PRKCH: variants seen among roughly 807,000 people sequenced by gnomAD.
The protein encoded by PRKCH is protein kinase C eta type.
Under a neutral mutation model 82.5 loss-of-function variants are expected in PRKCH, and 28 were observed. The observed-to-expected ratio is 0.34, with a 90% confidence interval of 0.25 to 0.47. The LOEUF is 0.47. Ranked by LOEUF, PRKCH falls within the 20% of genes least tolerant of loss-of-function variation. The probability of loss-of-function intolerance (pLI) is 1.00; values close to 1 mark genes in which losing one functional copy is unlikely to be tolerated. For synonymous variants in PRKCH, 322 were observed against 327.4 expected, an observed-to-expected ratio of 0.98 and a Z score of 0.18; for missense variants, 705 against 881.8, an observed-to-expected ratio of 0.80 and a Z score of 2.54.
rs115378632 is a variant in PRKCH, at chr14:61,229,876, A to C, written c.-19+42208A>C. On this transcript the variant is annotated intron_variant, in intron 1 of 3. Transcript: ENST00000555185. ...GTGCACAGAAGCCAGTCAGAATGCA[A>C]TGTCGACGGCATGGGCTCCATCAAC... Among the ~76,000 whole-genome samples the C allele has an allele frequency of 3.5e-3, 540 of 152,314 alleles. 7 individuals are homozygous for C. Among genetic ancestry groups the C allele is most frequent in the African/African-American group, 0.012 (518 of 41,578 alleles).
chr14:61,280,838 A>G lies in PRKCH; in HGVS notation c.-19+93170A>G. 6.4e-7 allele frequency: 1 copy of G among 1,566,186 alleles called. No homozygotes were observed. The highest frequency in any genetic ancestry group is 8.6e-7 in the Non-Finnish European group (1 of 1,164,350). ...TAGTAGAGGTACACTGGGCCCTGGAAGAGCTCGGGCAGCGAGAAGTACCAG... is the reference window on the plus strand; with the variant it reads ...TAGTAGAGGTACACTGGGCCCTGGAGGAGCTCGGGCAGCGAGAAGTACCAG... On this transcript the variant is annotated intron_variant, in intron 1 of 3. Transcript: ENST00000555185. The surrounding 1 kb of genome is among the most constrained non-coding windows in gnomAD (Gnocchi z 5.0).
At chr14:61,468,941 A>G (rs940712498) in intron 9 of PRKCH, among the ~76,000 whole-genome samples, 13 of 152,200 alleles carry the variant, frequency 8.5e-5, no homozygotes, top group Admixed American at 3.9e-4. Context: ...GCCAAGTTAT[A>G]GATACTCTGG....
At chr14:61,195,712 T>G (rs1026714537) in intron 1 of PRKCH, among the ~76,000 whole-genome samples, 2 of 151,976 alleles carry the variant, frequency 1.3e-5, no homozygotes, top group East Asian at 1.9e-4. Context: ...CAGTTAAGAG[T>G]TTGGTGAGGG....
chr14:61,498,202 C>T (rs1038149505), intron 10 of PRKCH, among the ~76,000 whole-genome samples: 5 of 152,018 alleles, frequency 3.3e-5, no homozygotes, highest in Non-Finnish European at 4.4e-5. Context: ...TTAGTAGAGA[C>T]GGGGTTTCAC....
chr14:61,259,937 G>A (rs201524321), intron 1 of PRKCH, among the ~76,000 whole-genome samples: 6 of 152,254 alleles, frequency 3.9e-5, no homozygotes, highest in South Asian at 4.1e-4. Flanking sequence ...TAAATTTGGC[G>A]TATAAGTGAC....
intron 12 of PRKCH, among the ~76,000 whole-genome samples, chr14:61,535,199 A>G (rs2043091096): frequency 1.3e-5 from 2 of 152,332 alleles, no homozygotes; most frequent in African/African-American, 4.8e-5. Flanking sequence ...GGGTTCTGCA[A>G]TACTCAGGTT....
chr14:61,379,014 A>AC (rs2046462255), intron 1 of PRKCH, among the ~76,000 whole-genome samples: 1 of 150,756 alleles, frequency 6.6e-6, no homozygotes, highest in Admixed American at 6.6e-5. Flanking sequence ...CCTGATTGAA[A>AC]CCCCTCAGTG....
intron 10 of PRKCH, among the ~76,000 whole-genome samples, chr14:61,505,021 GTAAT>G (rs1887075084): frequency 6.6e-6 from 1 of 152,144 alleles, no homozygotes; most frequent in African/African-American, 2.4e-5. Context: ...ACAAGTAAAA[GTAAT>G]TACCAATTGT....
intron 1 of PRKCH, among the ~76,000 whole-genome samples, chr14:61,274,002 G>T (rs1317831098): frequency 6.6e-6 from 1 of 152,204 alleles, no homozygotes; most frequent in African/African-American, 2.4e-5. Context: ...CTAGCAGCCT[G>T]AATATGGAGA....
At position 61,339,468 on chromosome 14, in the gene PRKCH, C is replaced by T. The variant is rs568179999; in HGVS notation, c.363+17004C>T. On this transcript the variant is annotated intron_variant, in intron 1 of 13. Coordinates refer to ENST00000332981, the MANE Select transcript of PRKCH (RefSeq NM_006255.5). The stretch of plus-strand genomic sequence containing the variant: ...CCTCCCGAGTAGCTGGGACTACAGG[C>T]GCCCACCACCACGCCCGGCTAATTT... Among the ~76,000 whole-genome samples the T allele has an allele frequency of 6.6e-5, 10 of 150,618 alleles. No homozygotes were observed. In the South Asian group the frequency reaches 8.5e-4, roughly 13 times the overall value.
At chr14:61,540,986 C>T (rs1020384308) in intron 12 of PRKCH, among the ~76,000 whole-genome samples, 2 of 152,234 alleles carry the variant, frequency 1.3e-5, no homozygotes, top group African/African-American at 2.4e-5. Context: ...CCCCATCCCA[C>T]CCCCAGTGGA....
chr14:61,242,263 T>C (rs1030678860), intron 1 of PRKCH, among the ~76,000 whole-genome samples: 1 of 152,126 alleles, frequency 6.6e-6, no homozygotes, highest in Admixed American at 6.5e-5. Flanking sequence ...CAGTGAATGG[T>C]CATACCTTAA....
chr14:61,536,456 T>C (rs1594794761), intron 12 of PRKCH, among the ~76,000 whole-genome samples: 1 of 152,118 alleles, frequency 6.6e-6, no homozygotes, highest in African/African-American at 2.4e-5. Flanking sequence ...CAGGAAGAGC[T>C]GAGATCTCCA....
intron 9 of PRKCH, among the ~76,000 whole-genome samples, chr14:61,484,280 T>C (rs2140328337): frequency 7.0e-6 from 1 of 143,182 alleles, no homozygotes; most frequent in East Asian, 2.1e-4. Flanking sequence ...TTTGTCAATC[T>C]GCTTGTGTCA....
chr14:61,377,626 T>C (rs1266104014), intron 1 of PRKCH, among the ~76,000 whole-genome samples: 2 of 152,216 alleles, frequency 1.3e-5, no homozygotes, highest in African/African-American at 4.8e-5. Context: ...ACTAAAGGGT[T>C]GTGACTGTGT....
rs922337817 is a variant in PRKCH, at chr14:61,549,841, G to A, written c.*10G>A. 8 of 1,611,416 alleles carry A rather than the reference G, an allele frequency of 5.0e-6. No individual in the cohort carries two copies. Among genetic ancestry groups the A allele is most frequent in the Non-Finnish European group, 6.8e-6 (8 of 1,178,800 alleles). On this transcript the variant is annotated 3_prime_UTR_variant, in exon 14 of 14. Transcript: ENST00000332981. The stretch of plus-strand genomic sequence containing the variant: ...AGAATTGCAACCATAGCCTTATGGG[G>A]AGTGAGAGAGAGGGCACGAGAACCC...
rs142167960 is a variant in PRKCH at position 61,202,531 on chromosome 14, T to C, written c.-19+14863T>C. Among the ~76,000 whole-genome samples, 1,205 of 152,300 alleles carry C rather than the reference T, an allele frequency of 7.9e-3. 16 individuals carry two copies. The highest frequency in any genetic ancestry group is 0.027 in the African/African-American group (1,136 of 41,564). On this transcript the variant is annotated intron_variant, in intron 1 of 3. Coordinates refer to the PRKCH transcript ENST00000555185. ...AGGATACAGGCCACTTCAAAAGCAGTTGGCACCTCTAGGGAGAGCAGTGGG... is the reference window on the plus strand; with the variant it reads ...AGGATACAGGCCACTTCAAAAGCAGCTGGCACCTCTAGGGAGAGCAGTGGG...
intron 1 of PRKCH, among the ~76,000 whole-genome samples, chr14:61,236,636 G>C (rs1354201649): frequency 2.0e-5 from 3 of 151,272 alleles, no homozygotes; most frequent in Non-Finnish European, 4.4e-5. Flanking sequence ...GAACCTGGGA[G>C]GGGGAGGTTG....
intron 10 of PRKCH, among the ~76,000 whole-genome samples, chr14:61,502,929 C>A (rs1332068131): frequency 6.6e-6 from 1 of 150,912 alleles, no homozygotes; most frequent in Non-Finnish European, 1.5e-5. Flanking sequence ...TCGAGCCCTT[C>A]CTGGGGGATG....
Sources: allele counts gnomAD v4.1 joint callset (sites outside exome capture counted in the v4.1 genomes callset), GRCh38; gene constraint gnomAD v4.1.1; non-coding constraint Gnocchi (gnomAD v3.1); transcripts MANE v1.5; gene names NCBI Gene and HGNC (gene_info 2026-07-23, HGNC 2026-07-21).